Variants in FHIT observed in about 807,000 individuals in gnomAD.
FHIT encodes bis(5'-adenosyl)-triphosphatase.
A neutral mutation model predicts 17.9 loss-of-function variants in FHIT; 19 were observed. The ratio of observed to expected loss-of-function variants is 1.06; its 90% confidence interval spans 0.74 to 1.56. The LOEUF is 1.56. Among genes scored for constraint, FHIT ranks in the 40% most tolerant of loss-of-function variants. The probability of loss-of-function intolerance (pLI) is 0.00; values close to 1 mark genes in which losing one functional copy is unlikely to be tolerated. For missense variants in FHIT, 248 were observed against 189.2 expected, an observed-to-expected ratio of 1.31 and a Z score of -1.82; for synonymous variants, 81 against 69.7, an observed-to-expected ratio of 1.16 and a Z score of -0.81.
Position 60,040,390 on chromosome 3 carries a change from C to A in FHIT, c.104-26238G>T, listed in dbSNP as rs193146880. Among the ~76,000 whole-genome samples the A allele has an allele frequency of 1.5e-3, 224 of 152,140 alleles. 1 individual carries two copies. Among genetic ancestry groups the A allele is most frequent in the African/African-American group, 4.8e-3 (200 of 41,524 alleles). Reference sequence around the variant, plus strand: ...CGATCTCTTGACCTGGTGATCCACCCACCTCGGCCTCCCAAAGTGCTGGGA... The same window carrying A: ...CGATCTCTTGACCTGGTGATCCACCAACCTCGGCCTCCCAAAGTGCTGGGA... On this transcript the variant is annotated intron_variant, in intron 5 of 9. Transcript: ENST00000492590.
At chr3:60,192,286 C>G (rs965659534) in intron 5 of FHIT, among the ~76,000 whole-genome samples, 2 of 149,498 alleles carry the variant, frequency 1.3e-5, no homozygotes, top group African/African-American at 4.9e-5. Context: ...GATAGACAGG[C>G]AAAAGTTCAA....
At chr3:60,077,140 A>C (rs1164995747) in intron 5 of FHIT, among the ~76,000 whole-genome samples, 1 of 152,096 alleles carries the variant, frequency 6.6e-6, no homozygotes, top group Non-Finnish European at 1.5e-5. Context: ...AAATCATTCA[A>C]GGACTCTGAA....
chr3:60,508,179 A>C (rs1175738495), intron 5 of FHIT, among the ~76,000 whole-genome samples: 1 of 152,222 alleles, frequency 6.6e-6, no homozygotes, highest in Non-Finnish European at 1.5e-5. Flanking sequence ...CACTGGCATT[A>C]GAAATTAGAG....
At chr3:59,868,047 T>TTTTAAA (rs397964099) in intron 8 of FHIT, among the ~76,000 whole-genome samples, 1 of 111,346 alleles carries the variant, frequency 9.0e-6, no homozygotes, top group Non-Finnish European at 1.8e-5. Context: ...TTTTTTTTTT[T>TTTTAAA]AAAAAAAAAA....
At chr3:60,191,439 T>G (rs1437576931) in intron 5 of FHIT, among the ~76,000 whole-genome samples, 1 of 152,190 alleles carries the variant, frequency 6.6e-6, no homozygotes, top group Non-Finnish European at 1.5e-5. Flanking sequence ...AAAGCAGTAT[T>G]TCAAGTCCAC....
In FHIT at chr3:60,025,210, A is replaced by G. The variant is rs1700696458; in HGVS notation, c.104-11058T>C. Among the ~76,000 whole-genome samples the G allele has an allele frequency of 2.6e-5, 4 of 152,302 alleles. 1 individual carries two copies. The South Asian group carries it at 8.3e-4, about 32-fold the overall frequency. On this transcript the variant is annotated intron_variant, in intron 5 of 9. Coordinates refer to ENST00000492590, the MANE Select transcript of FHIT (RefSeq NM_002012.4). ...TATAGAATTCTCCAGAAATAACTAG[A>G]GCAGAGTTTCCTAACCTGGGTCTAC... is the stretch of plus-strand genomic sequence containing the variant.
chr3:60,631,480 G>A (rs72872725), intron 4 of FHIT, among the ~76,000 whole-genome samples: 1,660 of 152,250 alleles, frequency 0.011, 38 homozygotes, highest in African/African-American at 0.038. Flanking sequence ...AACAATGCCT[G>A]TGCTTGCTGG....
chr3:60,285,341 G>A (rs894661966), intron 5 of FHIT, among the ~76,000 whole-genome samples: 3 of 152,036 alleles, frequency 2.0e-5, no homozygotes, highest in African/African-American at 7.2e-5. Context: ...GCCAAAAATA[G>A]GTTTATGCCC....
At chr3:61,055,910 A>G (rs1389052769) in intron 2 of FHIT, among the ~76,000 whole-genome samples, 1 of 152,214 alleles carries the variant, frequency 6.6e-6, no homozygotes, top group East Asian at 1.9e-4. Context: ...ATAGGCATGC[A>G]ATGTGTAATA....
At chr3:60,233,767 T>C (rs1488212872) in intron 5 of FHIT, among the ~76,000 whole-genome samples, 2 of 152,104 alleles carry the variant, frequency 1.3e-5, no homozygotes, top group Non-Finnish European at 2.9e-5. Flanking sequence ...GTCTTTCCCA[T>C]GCTGTTCTTG....
At chr3:59,798,601 G>A (rs1699871882) in intron 8 of FHIT, among the ~76,000 whole-genome samples, 1 of 152,220 alleles carries the variant, frequency 6.6e-6, no homozygotes, top group Admixed American at 6.5e-5. Flanking sequence ...CTGACAGAAC[G>A]CTTGCTAATG....
chr3:60,591,617 C>T (rs535493831), intron 4 of FHIT, among the ~76,000 whole-genome samples: 1 of 152,058 alleles, frequency 6.6e-6, no homozygotes, highest in Non-Finnish European at 1.5e-5. Context: ...TCATCAGGCC[C>T]TCCCCATGTC....
chr3:60,090,912 A>C (rs540229018), intron 5 of FHIT, among the ~76,000 whole-genome samples: 1 of 152,294 alleles, frequency 6.6e-6, no homozygotes, highest in African/African-American at 2.4e-5. Context: ...TCAAGGAGCA[A>C]AGCAAGTTGA....
chr3:60,859,107 G>C (rs1185779766), intron 3 of FHIT, among the ~76,000 whole-genome samples: 1 of 152,070 alleles, frequency 6.6e-6, no homozygotes. Flanking sequence ...TACAGCTTTT[G>C]TTTCTATTTC....
chr3:59,784,844 C>A (rs1702764484), intron 8 of FHIT, among the ~76,000 whole-genome samples: 2 of 151,986 alleles, frequency 1.3e-5, no homozygotes, highest in African/African-American at 4.8e-5. Flanking sequence ...TTACAGTTAC[C>A]TTTTGTATTA....
intron 5 of FHIT, among the ~76,000 whole-genome samples, chr3:60,428,627 AC>A (rs1318220993): frequency 1.3e-5 from 2 of 152,310 alleles, no homozygotes; most frequent in African/African-American, 2.4e-5. Context: ...TGGAAACTTG[AC>A]AGCATAAAGG....
chr3:61,091,800 C>T (rs917380354), intron 2 of FHIT, among the ~76,000 whole-genome samples: 4 of 151,448 alleles, frequency 2.6e-5, no homozygotes, highest in Non-Finnish European at 4.4e-5. Context: ...TTTAGCTGGG[C>T]GTAGTGGCAC....
intron 1 of FHIT, among the ~76,000 whole-genome samples, chr3:61,213,080 G>T (rs925761385): frequency 3.3e-5 from 5 of 152,180 alleles, no homozygotes; most frequent in African/African-American, 1.2e-4. Context: ...ATCAAGGCTA[G>T]GAAGAAACTG....
At chr3:61,238,926 G>A (rs1040915087) in intron 1 of FHIT, among the ~76,000 whole-genome samples, 2 of 152,200 alleles carry the variant, frequency 1.3e-5, no homozygotes, top group African/African-American at 4.8e-5. Context: ...TTAGGGGGCA[G>A]AAGTGGGTAT....
Sources: gnomAD v4.1 joint callset for allele counts (sites outside exome capture counted in the v4.1 genomes callset) on GRCh38, gnomAD v4.1.1 for gene constraint, MANE v1.5 for transcripts, NCBI Gene and HGNC (gene_info 2026-07-23, HGNC 2026-07-21) for gene names.